EPAS1: variants seen among roughly 807,000 people sequenced by gnomAD.
EPAS1 encodes the protein endothelial PAS domain-containing protein 1.
In EPAS1, 23 loss-of-function variants were observed where a neutral mutation model predicts 87.9. That is an observed-to-expected ratio of 0.26 (90% confidence interval 0.19 to 0.37). EPAS1 has a LOEUF of 0.37. Among genes scored for constraint, EPAS1 ranks in the 10% least tolerant of loss-of-function variants. The pLI is 1.00. For missense variants in EPAS1, 1,138 were observed against 1,120.7 expected (o/e 1.02, Z -0.22); for synonymous variants, 508 against 444.3 (o/e 1.14, Z -1.80).
At chr2:46,299,537 C>T (rs1453900569) in intron 1 of EPAS1, among the ~76,000 whole-genome samples, 2 of 152,198 alleles carry the variant, frequency 1.3e-5, no homozygotes, top group African/African-American at 4.8e-5. Flanking sequence ...AATGACTGAA[C>T]CATCGAAAAG....
At chr2:46,348,382 A>C (rs995216380) in intron 2 of EPAS1, among the ~76,000 whole-genome samples, 2 of 152,182 alleles carry the variant, frequency 1.3e-5, no homozygotes, top group African/African-American at 4.8e-5. Context: ...AAAGGCTGGG[A>C]GACTCCATCA....
At chr2:46,335,522 A>C (rs774592900) in intron 1 of EPAS1, among the ~76,000 whole-genome samples, 1 of 151,606 alleles carries the variant, frequency 6.6e-6, no homozygotes, top group African/African-American at 2.4e-5. Context: ...CTCATGACAC[A>C]GTGATTATTT....
chr2:46,372,232 G>A (rs1186228742), intron 7 of EPAS1, among the ~76,000 whole-genome samples: 1 of 152,212 alleles, frequency 6.6e-6, no homozygotes, highest in Non-Finnish European at 1.5e-5. Context: ...CCCATAGCTA[G>A]CCAAGGGAAA....
chr2:46,377,003 A>AC (rs1290916795), intron 9 of EPAS1, among the ~76,000 whole-genome samples: 2 of 151,798 alleles, frequency 1.3e-5, no homozygotes, highest in Admixed American at 6.6e-5. Flanking sequence ...AAGAGAGGAC[A>AC]CCCCCCTGAG....
At chr2:46,313,431 A>C (rs1237832019) in intron 1 of EPAS1, among the ~76,000 whole-genome samples, 1 of 140,318 alleles carries the variant, frequency 7.1e-6, no homozygotes, top group Non-Finnish European at 1.6e-5. Context: ...AGTACTTCCC[A>C]CATGTTGTTA....
rs1246965323 is a variant in EPAS1 at position 46,315,679 on chromosome 2, C to G, written c.26+17742C>G. Among the ~76,000 whole-genome samples, 3 of 152,228 alleles carry G rather than the reference C, an allele frequency of 2.0e-5. No individual in the cohort carries two copies. The East Asian group carries it at 5.8e-4, about 29-fold the overall frequency. On this transcript the variant is annotated intron_variant, in intron 1 of 15. Transcript: ENST00000263734. ...TTCCTTGCTCCCTGAATGGCTGGCC[C>G]CAGTGCAGGAGCAGCTCACTCACAC...
At chr2:46,301,774 T>A (rs1293681404) in intron 1 of EPAS1, among the ~76,000 whole-genome samples, 6 of 150,702 alleles carry the variant, frequency 4.0e-5, no homozygotes, top group African/African-American at 1.2e-4. Flanking sequence ...TTCTGGATAA[T>A]TATCAACACC....
chr2:46,382,721 C>T (rs1205400064), intron 15 of EPAS1, 123 bp downstream of exon 15: 1 of 1,280,320 alleles, frequency 7.8e-7, no homozygotes, highest in Non-Finnish European at 1.1e-6. Flanking sequence ...TTGAAGTCAC[C>T]TATACAGGGC....
intron 6 of EPAS1, among the ~76,000 whole-genome samples, chr2:46,367,527 C>T (rs1056984344): frequency 2.6e-5 from 4 of 152,226 alleles, no homozygotes; most frequent in Non-Finnish European, 5.9e-5. Context: ...TCTCCTTGTT[C>T]CCCCCAGTCT....
chr2:46,298,310 C>G (rs1314651391), intron 1 of EPAS1, among the ~76,000 whole-genome samples: 1 of 152,258 alleles, frequency 6.6e-6, no homozygotes, highest in Non-Finnish European at 1.5e-5. Context: ...CCTCGACTTT[C>G]TCTGGTCTCT....
intron 6 of EPAS1, among the ~76,000 whole-genome samples, chr2:46,363,001 G>GGTA (rs1390380783): frequency 2.7e-5 from 4 of 148,710 alleles, no homozygotes; most frequent in East Asian, 4.0e-4. Flanking sequence ...TGGTGGTGGT[G>GGTA]GTGGTGGTGG....
At position 46,360,509 on chromosome 2, in the gene EPAS1, G is replaced by A. The variant is rs576804215; in HGVS notation, c.455-129G>A. 30 of 817,228 alleles carry A rather than the reference G, an allele frequency of 3.7e-5. No homozygotes were observed. In the African/African-American group the frequency reaches 4.7e-4, roughly 13 times the overall value. 50.6% of individuals were successfully genotyped at this position (817,228 alleles called of 1,614,324 possible). A position where few individuals can be genotyped will look rare whatever the true frequency, so the allele number is the denominator to read the frequency against. Reference sequence around the variant, plus strand: ...AGCTCAGTGTTGATGGCAGACCACAGGTGCTAAGAGAGCAGATATTTGGAA... The same window carrying A: ...AGCTCAGTGTTGATGGCAGACCACAAGTGCTAAGAGAGCAGATATTTGGAA... On this transcript the variant is annotated intron_variant, in intron 4 of 15. Transcript: ENST00000263734. This position sits in a 1 kb window ranked among gnomAD's most constrained non-coding sequence, Gnocchi z 4.5.
At chr2:46,315,298 G>T (rs1347433530) in intron 1 of EPAS1, among the ~76,000 whole-genome samples, 1 of 152,188 alleles carries the variant, frequency 6.6e-6, no homozygotes, top group Non-Finnish European at 1.5e-5. Context: ...AGAGGAGCAG[G>T]TTTGAAAATC....
chr2:46,361,922 C>T (rs1684397905), intron 6 of EPAS1, among the ~76,000 whole-genome samples: 1 of 152,134 alleles, frequency 6.6e-6, no homozygotes, highest in Admixed American at 6.5e-5. Flanking sequence ...GACTGTGGAG[C>T]CTGATGATGG....
At position 46,346,906 on chromosome 2, in the gene EPAS1, G is replaced by A. The variant is rs2103616123; in HGVS notation, c.60G>A (p.Arg20=). 6.2e-7 allele frequency: 1 copy of A among 1,614,206 alleles called. No individual in the cohort carries two copies. The highest frequency in any genetic ancestry group is 8.5e-7 in the Non-Finnish European group (1 of 1,180,040). The change falls in exon 2 of 16, where the codon CGG becomes CGA. Residue 20 remains arginine (R), a synonymous_variant. Coordinates refer to ENST00000263734, the MANE Select transcript of EPAS1 (RefSeq NM_001430.5). This position sits in a 1 kb window ranked among gnomAD's most constrained non-coding sequence, Gnocchi z 4.0. The part of the protein sequence containing the change: ...SSSERRKEKS[R]DAARCRRSKE... Reference sequence around the variant, plus strand: ...CGGAGAGGAGGAAGGAGAAGTCCCGGGATGCTGCGCGGTGCCGGCGGAGCA... The same window carrying A: ...CGGAGAGGAGGAAGGAGAAGTCCCGAGATGCTGCGCGGTGCCGGCGGAGCA...
Position 46,375,447 on chromosome 2 carries a change from T to C in EPAS1, c.887-243T>C, listed in dbSNP as rs1558608615. Among the ~76,000 whole-genome samples, 1 of 152,112 alleles carries C rather than the reference T, an allele frequency of 6.6e-6. No individual in the cohort carries two copies. Among genetic ancestry groups the C allele is most frequent in the African/African-American group, 2.4e-5 (1 of 41,414 alleles). ...CATAGTGAGCGGGTCCCTCCCTCAG[T>C]AGACAGCCTTGGGCAAGTCATTTCA... On this transcript the variant is annotated intron_variant, in intron 7 of 15. Coordinates refer to ENST00000263734, the MANE Select transcript of EPAS1 (RefSeq NM_001430.5). This position sits in a 1 kb window ranked among gnomAD's most constrained non-coding sequence, Gnocchi z 4.1.
intron 1 of EPAS1, among the ~76,000 whole-genome samples, chr2:46,308,349 G>C (rs1298717482): frequency 6.6e-6 from 1 of 150,554 alleles, no homozygotes; most frequent in Non-Finnish European, 1.5e-5. Flanking sequence ...ATATTTCCTT[G>C]TTATCTAATG....
chr2:46,381,840 C>A (rs534218606), intron 13 of EPAS1, 118 bp downstream of exon 13: 1 of 1,560,852 alleles, frequency 6.4e-7, no homozygotes, highest in Non-Finnish European at 8.7e-7. Context: ...GAACCCAGGG[C>A]TGCTGAGAGG....
At chr2:46,348,064 G>T (rs1684070651) in intron 2 of EPAS1, among the ~76,000 whole-genome samples, 2 of 152,168 alleles carry the variant, frequency 1.3e-5, no homozygotes, top group South Asian at 4.1e-4. Flanking sequence ...GCTATTCTGG[G>T]AAAGAGGGAA....
Sources: gnomAD v4.1 joint callset for allele counts (sites outside exome capture counted in the v4.1 genomes callset) on GRCh38, gnomAD v4.1.1 for gene constraint, Gnocchi (gnomAD v3.1) non-coding constraint, MANE v1.5 for transcripts, NCBI Gene and HGNC (gene_info 2026-07-23, HGNC 2026-07-21) for gene names.